Variants in SPEF2 observed in about 807,000 individuals in gnomAD.
SPEF2 encodes the protein sperm flagellar and cilia associated 2.
A neutral mutation model predicts 224.6 loss-of-function variants in SPEF2; 187 were observed. The ratio of observed to expected loss-of-function variants is 0.83; its 90% CI spans 0.74 to 0.94. SPEF2 has a LOEUF of 0.94. SPEF2 is among the 40% of genes least tolerant of loss of function. The pLI is 0.00. For synonymous variants in SPEF2, 715 were observed against 707.3 expected (o/e 1.01, Z -0.17); for missense variants, 2,170 against 2,135.6 (o/e 1.02, Z -0.32).
chr5:35,658,881 C>T, intron 7 of SPEF2, 138 bp from the exon 8 acceptor site: 2 of 602,440 alleles, frequency 3.3e-6, no homozygotes, highest in Middle Eastern at 5.1e-4. Context: ...TTTTTTTTGC[C>T]ATGTTCAAAT....
chr5:35,721,043 G>T (rs781663866), intron 20 of SPEF2, among the ~76,000 whole-genome samples: 1 of 152,138 alleles, frequency 6.6e-6, no homozygotes, highest in Non-Finnish European at 1.5e-5. Context: ...TTGCCAAAGA[G>T]CAGATTAGTG....
intron 10 of SPEF2, among the ~76,000 whole-genome samples, chr5:35,681,751 A>G (rs1752838216): frequency 6.6e-6 from 1 of 152,166 alleles, no homozygotes; most frequent in Non-Finnish European, 1.5e-5. Context: ...CACAATGTAG[A>G]ATGCATTTTT....
intron 32 of SPEF2, among the ~76,000 whole-genome samples, chr5:35,794,934 C>T (rs910460116): frequency 1.3e-5 from 2 of 152,026 alleles, no homozygotes; most frequent in Non-Finnish European, 2.9e-5. Flanking sequence ...TCCTCTGAAA[C>T]CCCCATTTGA....
chr5:35,753,279 TC>T (rs1305067132), intron 23 of SPEF2, among the ~76,000 whole-genome samples: 3 of 151,964 alleles, frequency 2.0e-5, no homozygotes, highest in East Asian at 3.9e-4. Flanking sequence ...AATTGCCATT[TC>T]CCCCCCAAAA....
At position 35,753,649 on chromosome 5, in the gene SPEF2, T is replaced by C; in HGVS notation, c.3356T>C (p.Ile1119Thr). The change falls in exon 24 of 37, where the codon ATT becomes ACT. Residue 1119 changes from isoleucine (I) to threonine (T), a missense_variant. Coordinates refer to ENST00000356031, the MANE Select transcript of SPEF2 (RefSeq NM_024867.4). ...VNDLRDRLWD[I>T]CDARKEEAEQ... Reference sequence around the variant, plus strand: ...GATCTGCGAGACCGCCTGTGGGACATTTGTGATGCCCGGAAGGAAGAGGCG... The same window carrying C: ...GATCTGCGAGACCGCCTGTGGGACACTTGTGATGCCCGGAAGGAAGAGGCG... 6.2e-7 allele frequency: 1 copy of C among 1,614,108 alleles called. No individual in the cohort carries two copies. Among genetic ancestry groups the C allele is most frequent in the Non-Finnish European group, 8.5e-7 (1 of 1,180,008 alleles).
At chr5:35,733,275 C>G (rs946918078) in intron 21 of SPEF2, among the ~76,000 whole-genome samples, 1 of 152,028 alleles carries the variant, frequency 6.6e-6, no homozygotes, top group Non-Finnish European at 1.5e-5. Context: ...CCACCACGCC[C>G]GACTAGTTTT....
chr5:35,736,208 T>A (rs1746565639), intron 21 of SPEF2, among the ~76,000 whole-genome samples: 1 of 152,146 alleles, frequency 6.6e-6, no homozygotes, highest in South Asian at 2.1e-4. Context: ...ACATTATTTA[T>A]TAAATAAAAT....
Position 35,617,916 on chromosome 5 carries a change from C to T in SPEF2, c.-82C>T, listed in dbSNP as rs1561077151. 2 of 1,402,074 alleles carry T rather than the reference C, an allele frequency of 1.4e-6. No homozygotes were observed. The highest frequency in any genetic ancestry group is 4.9e-5 in the East Asian group (2 of 40,404). The allele number at this position is 1,402,074 out of a possible 1,614,324, so 86.9% of individuals were successfully genotyped here. ...TTCCATAGCAAAGGGTTGCCCTTGGCTACAGGAGGACGCGGGCTGGCAGGC... is the reference window on the plus strand; with the variant it reads ...TTCCATAGCAAAGGGTTGCCCTTGGTTACAGGAGGACGCGGGCTGGCAGGC... On this transcript the variant is annotated 5_prime_UTR_variant, in exon 1 of 37. Transcript: ENST00000356031.
intron 1 of SPEF2, among the ~76,000 whole-genome samples, chr5:35,620,392 C>T (rs1301101482): frequency 6.6e-6 from 1 of 152,002 alleles, no homozygotes; most frequent in African/African-American, 2.4e-5. Flanking sequence ...AGTTATTTAC[C>T]TAAATTTCAT....
intron 33 of SPEF2, among the ~76,000 whole-genome samples, chr5:35,798,368 A>G (rs548001300): frequency 6.6e-6 from 1 of 152,152 alleles, no homozygotes; most frequent in African/African-American, 2.4e-5. Flanking sequence ...CTCATTGTTG[A>G]TCAAGCATGC....
At chr5:35,625,352 G>A (rs1744093184) in intron 1 of SPEF2, among the ~76,000 whole-genome samples, 1 of 151,972 alleles carries the variant, frequency 6.6e-6, no homozygotes, top group South Asian at 2.1e-4. Context: ...TATTTTTCTG[G>A]TGACCTTTTT....
At chr5:35,794,590 A>T (rs1488512727) in intron 32 of SPEF2, among the ~76,000 whole-genome samples, 1 of 152,202 alleles carries the variant, frequency 6.6e-6, no homozygotes, top group Admixed American at 6.5e-5. Flanking sequence ...GCAGAGCAAA[A>T]CTTACTCTGT....
At position 35,648,696 on chromosome 5, in the gene SPEF2, T is replaced by C. The variant is rs143257460; in HGVS notation, c.727-665T>C. Among the ~76,000 whole-genome samples, 506 of 152,148 alleles carry C rather than the reference T, an allele frequency of 3.3e-3. 1 individual carries two copies. The highest frequency in any genetic ancestry group is 6.7e-3 in the Admixed American group (102 of 15,268). ...TAAAGTTAAACTTCAGATAACTAAT[T>C]AATAGTGTAAATAAAGTTGCATGAG... On this transcript the variant is annotated intron_variant, in intron 5 of 36. Coordinates refer to ENST00000356031, the MANE Select transcript of SPEF2 (RefSeq NM_024867.4).
chr5:35,794,299 G>C (rs1054043312), intron 32 of SPEF2, among the ~76,000 whole-genome samples: 45 of 152,312 alleles, frequency 3.0e-4, no homozygotes, highest in African/African-American at 1.1e-3. Context: ...AGCTAACTTT[G>C]AAACAGAGTA....
chr5:35,630,435 G>A (rs1744921387), intron 2 of SPEF2, among the ~76,000 whole-genome samples: 1 of 152,086 alleles, frequency 6.6e-6, no homozygotes, highest in Admixed American at 6.5e-5. Context: ...TTCCACCACA[G>A]CCTGTAATCC....
chr5:35,749,799 A>G (rs1749119288), intron 23 of SPEF2, among the ~76,000 whole-genome samples: 1 of 152,172 alleles, frequency 6.6e-6, no homozygotes, highest in South Asian at 2.1e-4. Context: ...TACAAATTCA[A>G]TGCAATCCCC....
At chr5:35,679,114 A>G (rs140786435) in intron 10 of SPEF2, among the ~76,000 whole-genome samples, 196 of 152,274 alleles carry the variant, frequency 1.3e-3, no homozygotes, top group Non-Finnish European at 1.9e-3. Context: ...TCTGAGTGCC[A>G]TATTACCCAG....
intron 10 of SPEF2, among the ~76,000 whole-genome samples, chr5:35,688,672 G>A (rs903392): frequency 0.24 from 36,832 of 151,948 alleles, 6,760 homozygotes; most frequent in African/African-American, 0.5. Flanking sequence ...CTGACTGCCC[G>A]GGTTCCAATC....
Position 35,800,188 on chromosome 5 carries a change from G to A in SPEF2, c.5010+41G>A, listed in dbSNP as rs1335676497. Reference sequence around the variant, plus strand: ...AAATAGACTAACTATAGAGTCTAGAGGGGATGCCTGAAGATCCTAAACTGA... The same window carrying A: ...AAATAGACTAACTATAGAGTCTAGAAGGGATGCCTGAAGATCCTAAACTGA... On this transcript the variant is annotated intron_variant, in intron 34 of 36. Coordinates refer to ENST00000356031, the MANE Select transcript of SPEF2 (RefSeq NM_024867.4). The A allele has an allele frequency of 3.1e-6, 5 of 1,589,022 alleles. No individual in the cohort carries two copies. The Admixed American group carries it at 8.9e-5, about 28-fold the overall frequency.
Sources: allele counts gnomAD v4.1 joint callset (sites outside exome capture counted in the v4.1 genomes callset), GRCh38; gene constraint gnomAD v4.1.1; transcripts MANE v1.5; gene names NCBI Gene and HGNC (gene_info 2026-07-23, HGNC 2026-07-21).